CALCR: variants seen among roughly 807,000 people sequenced by gnomAD.
The protein encoded by CALCR is calcitonin receptor.
CALCR carries 47 observed loss-of-function variants against 59.5 expected under a neutral mutation model. That is an observed-to-expected ratio of 0.79 (90% CI 0.63 to 1.01). The LOEUF (loss-of-function observed/expected upper bound fraction) is 1.01. Ranked by LOEUF, CALCR falls within the 50% of genes least tolerant of loss-of-function variation. The pLI is 0.00. For missense variants in CALCR, 566 were observed against 597.1 expected, an observed-to-expected ratio of 0.95 and a Z score of 0.54; for synonymous variants, 213 against 211.3, an observed-to-expected ratio of 1.01 and a Z score of -0.07.
chr7:93,531,438 A>G (rs1374794139), intron 2 of CALCR, among the ~76,000 whole-genome samples: 3 of 152,136 alleles, frequency 2.0e-5, no homozygotes, highest in Non-Finnish European at 4.4e-5. Flanking sequence ...TCAGAAATGT[A>G]TCCTTCCATC....
chr7:93,569,763 A>G (rs914238100), intron 2 of CALCR, among the ~76,000 whole-genome samples: 1 of 152,178 alleles, frequency 6.6e-6, no homozygotes, highest in Non-Finnish European at 1.5e-5. Flanking sequence ...GAAATTTGTT[A>G]GATGTGTTAT....
intron 2 of CALCR, among the ~76,000 whole-genome samples, chr7:93,488,923 A>G (rs964069659): frequency 6.6e-6 from 1 of 151,950 alleles, no homozygotes; most frequent in African/African-American, 2.4e-5. Context: ...CCTAATAGAC[A>G]TCTACAGAAC....
chr7:93,466,416 T>C (rs1010778930), intron 7 of CALCR, among the ~76,000 whole-genome samples: 3 of 151,944 alleles, frequency 2.0e-5, no homozygotes, highest in African/African-American at 4.8e-5. Context: ...AGGGTTAGGA[T>C]CATACTTAAA....
chr7:93,437,797 G>A (rs1438332724), intron 11 of CALCR, among the ~76,000 whole-genome samples: 4 of 152,052 alleles, frequency 2.6e-5, no homozygotes, highest in Admixed American at 2.6e-4. Context: ...GGAGAATCTA[G>A]TTATAAAAAT....
intron 2 of CALCR, among the ~76,000 whole-genome samples, chr7:93,549,288 TGTAA>T (rs1325753191): frequency 6.6e-6 from 1 of 151,914 alleles, no homozygotes; most frequent in East Asian, 1.9e-4. Context: ...AATTTTTTTT[TGTAA>T]GTAAGGGCAA....
intron 3 of CALCR, among the ~76,000 whole-genome samples, chr7:93,483,156 C>A (rs113767316): frequency 2.0e-5 from 3 of 151,474 alleles, no homozygotes; most frequent in African/African-American, 7.3e-5. Context: ...ATGCTTAGGT[C>A]CTTCATATAA....
intron 8 of CALCR, among the ~76,000 whole-genome samples, chr7:93,457,973 G>A (rs764794158): frequency 3.9e-5 from 6 of 152,090 alleles, no homozygotes; most frequent in Non-Finnish European, 5.9e-5. Context: ...TACTCTCACC[G>A]AGCCTCGGTT....
At chr7:93,436,595 T>C (rs1584535281) in intron 11 of CALCR, among the ~76,000 whole-genome samples, 3 of 152,264 alleles carry the variant, frequency 2.0e-5, no homozygotes, top group African/African-American at 7.2e-5. Flanking sequence ...CTAAGTTTTG[T>C]CTTTTCAGTC....
At chr7:93,564,746 A>T (rs1472324879) in intron 2 of CALCR, among the ~76,000 whole-genome samples, 1 of 140,942 alleles carries the variant, frequency 7.1e-6, no homozygotes, top group Non-Finnish European at 1.5e-5. Context: ...GGGCCACCAC[A>T]CCCAGCCAAT....
intron 2 of CALCR, among the ~76,000 whole-genome samples, chr7:93,573,473 C>T (rs757996237): frequency 6.6e-6 from 1 of 152,184 alleles, no homozygotes; most frequent in Admixed American, 6.5e-5. Context: ...TCCTTAAGAT[C>T]GGCAAGTGAA....
chr7:93,502,627 T>C (rs1309867112), intron 2 of CALCR, among the ~76,000 whole-genome samples: 1 of 152,138 alleles, frequency 6.6e-6, no homozygotes, highest in Non-Finnish European at 1.5e-5. Context: ...CTTGATATTA[T>C]AAATTGGTCC....
intron 3 of CALCR, among the ~76,000 whole-genome samples, chr7:93,480,383 T>C (rs116321303): frequency 6.6e-6 from 1 of 152,016 alleles, no homozygotes; most frequent in African/African-American, 2.4e-5. Flanking sequence ...TAGAGATTTT[T>C]TTTTCTTTTT....
Position 93,472,404 on chromosome 7 carries a change from A to C in CALCR, c.400T>G (p.Cys134Gly), listed in dbSNP as rs1305961864. 6.2e-7 allele frequency: 1 copy of C among 1,608,192 alleles called. No homozygotes were observed. Among genetic ancestry groups the C allele is most frequent in the South Asian group, 1.1e-5 (1 of 90,752 alleles). ...AGTTTCTCAGGAGTGAAAGCATTGC[A>C]CATAGTATAGTTGGACCAGGTTCGA... ...NNRTWSNYTM[C>G]NAFTPEKLKN... Residue 134 changes from cysteine to glycine, a missense_variant, in exon 6 of 14, where the codon TGC (cysteine) becomes GGC (glycine). Cys to Gly is a radical substitution (Grantham distance 159, BLOSUM62 -3). Coordinates refer to ENST00000426151, the MANE Select transcript of CALCR (RefSeq NM_001742.4).
chr7:93,505,843 C>T lies in CALCR; in HGVS notation c.-26-18836G>A, dbSNP rs561997367. On this transcript the variant is annotated intron_variant, in intron 2 of 13. Transcript: ENST00000426151. The stretch of plus-strand genomic sequence containing the variant: ...TGTTCAAAATGGCGGCTCCACCTTC[C>T]CTTCTCTTTGCCAGCCCCGTGTACA... Among the ~76,000 whole-genome samples the T allele has an allele frequency of 4.6e-5, 7 of 152,270 alleles. No homozygotes were observed. In the East Asian group the frequency reaches 1.4e-3, roughly 29 times the overall value.
intron 2 of CALCR, among the ~76,000 whole-genome samples, chr7:93,564,632 T>G (rs973043301): frequency 7.2e-5 from 11 of 152,174 alleles, no homozygotes; most frequent in African/African-American, 2.6e-4. Flanking sequence ...TTTTGTATTT[T>G]TAGTAGAGAC....
chr7:93,474,750 T>C (rs943099791), intron 5 of CALCR, among the ~76,000 whole-genome samples: 8 of 151,756 alleles, frequency 5.3e-5, no homozygotes, highest in Non-Finnish European at 1.0e-4. Context: ...TGCAAGTGTA[T>C]TTGGAATCTT....
intron 5 of CALCR, among the ~76,000 whole-genome samples, chr7:93,476,850 A>G (rs1800677038): frequency 6.6e-6 from 1 of 151,940 alleles, no homozygotes; most frequent in African/African-American, 2.4e-5. Context: ...TTTAGGGCAC[A>G]GCACAAAGCC....
rs1799504294 is a variant in CALCR at position 93,425,402 on chromosome 7, C to T, written c.*954G>A. The T allele has an allele frequency of 6.6e-6, 1 of 152,510 alleles. No homozygotes were observed. Among genetic ancestry groups the T allele is most frequent in the South Asian group, 2.1e-4 (1 of 4,828 alleles). The allele number at this position is 152,510 out of a possible 1,614,324, so 9.4% of individuals were successfully genotyped here. The stretch of plus-strand genomic sequence containing the variant: ...GTGGAGTCTTTTAATTACCAATATT[C>T]AACAAATTTATCTTTTACTGCTAGA... On this transcript the variant is annotated 3_prime_UTR_variant, in exon 14 of 14. Coordinates refer to ENST00000426151, the MANE Select transcript of CALCR (RefSeq NM_001742.4).
At chr7:93,505,231 T>C (rs1801401928) in intron 2 of CALCR, among the ~76,000 whole-genome samples, 1 of 152,156 alleles carries the variant, frequency 6.6e-6, no homozygotes, top group Non-Finnish European at 1.5e-5. Context: ...AAAAATAGTT[T>C]GAGTTTCCTT....
Sources: allele counts gnomAD v4.1 joint callset (sites outside exome capture counted in the v4.1 genomes callset), GRCh38; gene constraint gnomAD v4.1.1; transcripts MANE v1.5; gene names NCBI Gene and HGNC (gene_info 2026-07-23, HGNC 2026-07-21).